LRRK1: variants seen among roughly 807,000 people sequenced by gnomAD.
LRRK1 encodes the protein leucine rich repeat kinase 1.
LRRK1 carries 113 observed loss-of-function variants against 209.1 expected under a neutral mutation model. The observed-to-expected ratio is 0.54, with a 90% confidence interval of 0.46 to 0.63. LRRK1 has a LOEUF of 0.63. Among genes scored for constraint, LRRK1 ranks in the 30% least tolerant of loss-of-function variants. The pLI is 0.00. For missense variants in LRRK1, 2,284 were observed against 2,632.2 expected, an observed-to-expected ratio of 0.87 and a Z score of 2.89; for synonymous variants, 1,144 against 1,099.7, an observed-to-expected ratio of 1.04 and a Z score of -0.80.
rs180733157 is a variant in LRRK1, at chr15:101,001,587, C to T, written c.763-7250C>T. Among the ~76,000 whole-genome samples, 10 of 152,244 alleles carry T rather than the reference C, an allele frequency of 6.6e-5. No individual in the cohort carries two copies. In the East Asian group the frequency reaches 1.2e-3, roughly 18 times the overall value. On this transcript the variant is annotated intron_variant, in intron 6 of 33. Coordinates refer to ENST00000388948, the MANE Select transcript of LRRK1 (RefSeq NM_024652.6). The stretch of plus-strand genomic sequence containing the variant: ...GGCTGGTTCAACAAGGAGGAGGCAC[C>T]GTCCCAGGAATCTTTGCTTAACTGC...
chr15:101,035,293 C>A (rs564058198), intron 20 of LRRK1, among the ~76,000 whole-genome samples: 63 of 151,888 alleles, frequency 4.1e-4, no homozygotes, highest in South Asian at 1.2e-3. Context: ...TAGAATATAT[C>A]TCTCTCTCTA....
chr15:100,980,205 A>G (rs1173196300), intron 3 of LRRK1, among the ~76,000 whole-genome samples: 1 of 152,096 alleles, frequency 6.6e-6, no homozygotes, highest in African/African-American at 2.4e-5. Flanking sequence ...ACTTAAACAT[A>G]TATGGAGTAC....
intron 6 of LRRK1, among the ~76,000 whole-genome samples, chr15:101,004,735 C>T (rs1011922587): frequency 6.6e-6 from 1 of 152,170 alleles, no homozygotes; most frequent in African/African-American, 2.4e-5. Flanking sequence ...GAGGCTGAGC[C>T]CCTGCTCCTT....
intron 2 of LRRK1, among the ~76,000 whole-genome samples, chr15:100,939,029 G>A (rs2042354966): frequency 6.6e-6 from 1 of 152,200 alleles, no homozygotes; most frequent in South Asian, 2.1e-4. Flanking sequence ...GGAGATGGAC[G>A]TTACAGTGAG....
chr15:101,056,855 G>C lies in LRRK1; in HGVS notation c.4333-1G>C. On this transcript the variant is annotated splice_acceptor_variant, in intron 27 of 33. Transcript: ENST00000388948. LOFTEE classifies it high-confidence loss of function. ...CCTGACTTGGCTTGTTCTGTGCCCA[G>C]GTAGATATGTTCTCCTATGGAATGG... is the stretch of plus-strand genomic sequence containing the variant. The C allele has an allele frequency of 6.3e-7, 1 of 1,596,416 alleles. No individual in the cohort carries two copies. Among genetic ancestry groups the C allele is most frequent in the Non-Finnish European group, 8.5e-7 (1 of 1,170,402 alleles).
At chr15:101,049,186 T>C (rs1236563599) in intron 22 of LRRK1, among the ~76,000 whole-genome samples, 2 of 152,252 alleles carry the variant, frequency 1.3e-5, no homozygotes, top group African/African-American at 4.8e-5. Context: ...CCCAAGATTA[T>C]TTTAATGTTT....
intron 20 of LRRK1, among the ~76,000 whole-genome samples, chr15:101,044,425 A>T (rs1308276013): frequency 6.6e-6 from 1 of 152,092 alleles, no homozygotes; most frequent in Non-Finnish European, 1.5e-5. Context: ...CACATGAAGA[A>T]TTTACCTCTT....
intron 29 of LRRK1, 30 bp from the exon 30 acceptor site, chr15:101,061,141 C>T (rs746010824): frequency 1.9e-6 from 3 of 1,547,562 alleles, no homozygotes; most frequent in African/African-American, 1.4e-5. Flanking sequence ...GGCCCCCGGG[C>T]ACTGACAGCA....
intron 2 of LRRK1, among the ~76,000 whole-genome samples, chr15:100,943,613 C>CTT (rs75629177): frequency 7.6e-6 from 1 of 131,974 alleles, no homozygotes. Flanking sequence ...TTACTTGGTT[C>CTT]TTTTTTTTTT....
At chr15:101,015,033 G>A (rs1318346507) in intron 11 of LRRK1, among the ~76,000 whole-genome samples, 1 of 152,210 alleles carries the variant, frequency 6.6e-6, no homozygotes, top group Admixed American at 6.5e-5. Flanking sequence ...CTTCCAATAG[G>A]TGGAAAGCCG....
At chr15:101,021,307 T>A in intron 13 of LRRK1, 125 bp downstream of exon 13, 4 of 1,091,568 alleles carry the variant, frequency 3.7e-6, no homozygotes, top group Non-Finnish European at 3.9e-6. Flanking sequence ...CAAGAAGCAG[T>A]AGTGAGATTT....
chr15:100,999,143 A>AT (rs948085329), intron 6 of LRRK1, among the ~76,000 whole-genome samples: 43 of 152,198 alleles, frequency 2.8e-4, no homozygotes, highest in African/African-American at 1.0e-3. Flanking sequence ...TATTTCTTGC[A>AT]TTTTTTTCCC....
At position 101,076,164 on chromosome 15, in the gene LRRK1, T is replaced by C. The variant is rs113584556; in HGVS notation, c.*7316T>C. ...TCCAAACAACTTGACCTTACTGTTT[T>C]AGCCTAGCCCTCATGTCTCTGTGCA... On this transcript the variant is annotated 3_prime_UTR_variant, in exon 34 of 34. Coordinates refer to ENST00000388948, the MANE Select transcript of LRRK1 (RefSeq NM_024652.6). 7,374 of 152,288 alleles carry C rather than the reference T, an allele frequency of 0.048. 544 individuals carry two copies. The highest frequency in any genetic ancestry group is 0.17 in the African/African-American group (6,858 of 41,524). 9.4% of individuals were successfully genotyped at this position (152,288 alleles called of 1,614,324 possible).
At chr15:100,969,600 G>A (rs750581835) in intron 2 of LRRK1, among the ~76,000 whole-genome samples, 3 of 151,940 alleles carry the variant, frequency 2.0e-5, no homozygotes. Context: ...CCATCAGCCA[G>A]GTATTAAGCC....
chr15:100,962,820 T>TACACATATATATATATATAC (rs370496273), intron 2 of LRRK1, among the ~76,000 whole-genome samples: 1 of 27,500 alleles, frequency 3.6e-5, no homozygotes, highest in Admixed American at 3.9e-4. Flanking sequence ...TATATATATA[T>TACACATATATATATATATAC]ATATTTTTTT....
intron 2 of LRRK1, among the ~76,000 whole-genome samples, chr15:100,970,123 C>T (rs2030765478): frequency 1.3e-5 from 2 of 152,164 alleles, no homozygotes; most frequent in African/African-American, 4.8e-5. Flanking sequence ...CTCCTGGCCT[C>T]AGGTGATCCA....
In LRRK1 at chr15:101,026,088, T is replaced by C; in HGVS notation, c.2356T>C (p.Ser786Pro). 1.2e-6 allele frequency: 2 copies of C among 1,614,246 alleles called. No homozygotes were observed. The highest frequency in any genetic ancestry group is 1.7e-6 in the Non-Finnish European group (2 of 1,180,040). Residue 786 changes from serine (S) to proline (P), a missense_variant, in exon 17 of 34, where the codon TCC (serine) becomes CCC (proline). This residue lies in a region of LRRK1 where 780 missense variants were observed against 985.2 expected (regional missense o/e 0.79). Coordinates refer to ENST00000388948, the MANE Select transcript of LRRK1 (RefSeq NM_024652.6). The part of the protein sequence containing the change: ...AYVLALCRSP[S>P]GSRATGFPDI... ...TGTGCTGGCACTCTGCCGCTCCCCC[T>C]CCGGCTCCAGGGCCACAGGCTTCCC...
In LRRK1 at chr15:101,031,250, C is replaced by T. The variant is rs553675538; in HGVS notation, c.2963+2018C>T. Among the ~76,000 whole-genome samples, 39 of 152,306 alleles carry T rather than the reference C, an allele frequency of 2.6e-4. No homozygotes were observed. The South Asian group carries it at 5.6e-3, about 22-fold the overall frequency. ...AATGTTCCTGTCATACTGGAAGTTCCGCCAGACGCCCTTCCAGTCGCTTCC... is the reference window on the plus strand; with the variant it reads ...AATGTTCCTGTCATACTGGAAGTTCTGCCAGACGCCCTTCCAGTCGCTTCC... On this transcript the variant is annotated intron_variant, in intron 20 of 33. Transcript: ENST00000388948.
At chr15:100,965,692 C>T (rs1004496202) in intron 2 of LRRK1, among the ~76,000 whole-genome samples, 1 of 151,690 alleles carries the variant, frequency 6.6e-6, no homozygotes, top group Non-Finnish European at 1.5e-5. Flanking sequence ...CAACACCAAC[C>T]AAACCTGAAA....
Sources: gnomAD v4.1 joint callset for allele counts (sites outside exome capture counted in the v4.1 genomes callset) on GRCh38, gnomAD v4.1.1 for gene constraint, gnomAD v4.1.1 regional missense constraint, MANE v1.5 for transcripts, NCBI Gene and HGNC (gene_info 2026-07-23, HGNC 2026-07-21) for gene names.